Variants in JAK2 observed in about 807,000 individuals in gnomAD.
The protein encoded by JAK2 is Janus kinase 2.
In JAK2, 86 loss-of-function variants were observed where a neutral mutation model predicts 139.3. That is an observed-to-expected ratio of 0.62 (90% CI 0.52 to 0.74). The LOEUF is 0.74. JAK2 is among the 30% of genes least tolerant of loss of function. The probability of loss-of-function intolerance (pLI) is 0.00; values close to 1 mark genes in which losing one functional copy is unlikely to be tolerated. For missense variants in JAK2, 1,421 were observed against 1,360.3 expected (o/e 1.04, Z -0.70); for synonymous variants, 490 against 437.7 (o/e 1.12, Z -1.49).
intron 2 of JAK2, among the ~76,000 whole-genome samples, chr9:5,006,469 T>G (rs1265417771): frequency 6.6e-6 from 1 of 152,212 alleles, no homozygotes; most frequent in African/African-American, 2.4e-5. Flanking sequence ...GTTCTCATAT[T>G]GCTATAAAGA....
chr9:5,041,024 G>C, intron 4 of JAK2: 1 of 669,534 alleles, frequency 1.5e-6, no homozygotes, highest in South Asian at 1.5e-5. Flanking sequence ...CTGCACCTGG[G>C]TACCGGTTCT....
intron 8 of JAK2, among the ~76,000 whole-genome samples, chr9:5,064,198 A>G (rs1269049806): frequency 6.6e-6 from 1 of 151,800 alleles, no homozygotes; most frequent in Non-Finnish European, 1.5e-5. Flanking sequence ...ACATATCCTA[A>G]CATTTTAGTT....
intron 4 of JAK2, among the ~76,000 whole-genome samples, chr9:5,043,671 T>A (rs1041090811): frequency 6.6e-6 from 1 of 152,094 alleles, no homozygotes. Flanking sequence ...TTATTCACAA[T>A]AGAAAAATAA....
intron 19 of JAK2, among the ~76,000 whole-genome samples, chr9:5,087,088 A>T (rs555768407): frequency 1.3e-5 from 2 of 152,330 alleles, no homozygotes; most frequent in South Asian, 4.1e-4. Flanking sequence ...GGTTTCCAAC[A>T]TTGGTTAGGC....
chr9:5,071,440 G>A (rs1350416246), intron 12 of JAK2, among the ~76,000 whole-genome samples: 2 of 151,972 alleles, frequency 1.3e-5, no homozygotes, highest in African/African-American at 4.8e-5. Context: ...TGAAACCACG[G>A]AGAAATAACA....
At chr9:5,105,791 T>C (rs1218550519) in intron 22 of JAK2, among the ~76,000 whole-genome samples, 1 of 152,100 alleles carries the variant, frequency 6.6e-6, no homozygotes, top group Admixed American at 6.5e-5. Context: ...TTGACAAACC[T>C]GACAAAAACA....
intron 22 of JAK2, among the ~76,000 whole-genome samples, chr9:5,093,549 T>C (rs1176976660): frequency 6.6e-6 from 1 of 152,168 alleles, no homozygotes; most frequent in Non-Finnish European, 1.5e-5. Flanking sequence ...CTTTAATTCA[T>C]TAATGCAAAT....
rs142306230 is a variant in JAK2, at chr9:5,080,643, C to T, written c.2394C>T (p.Phe798=). The T allele has an allele frequency of 1.9e-6, 3 of 1,603,136 alleles. No homozygotes were observed. The highest frequency in any genetic ancestry group is 2.7e-5 in the African/African-American group (2 of 73,544). Residue 798 remains phenylalanine, a synonymous_variant, in exon 18 of 25, where the codon TTC becomes TTT. Transcript: ENST00000381652. ...MDYEPDFRPS[F]RAIIRDLNSL... Reference sequence around the variant, plus strand: ...ATGAACCAGATTTCAGGCCTTCTTTCAGAGCCATCATACGAGATCTTAACA... The same window carrying T: ...ATGAACCAGATTTCAGGCCTTCTTTTAGAGCCATCATACGAGATCTTAACA...
chr9:5,081,155 A>G (rs1269507401), intron 18 of JAK2, among the ~76,000 whole-genome samples: 1 of 152,006 alleles, frequency 6.6e-6, no homozygotes, highest in Non-Finnish European at 1.5e-5. Flanking sequence ...TCGGCCTCCC[A>G]AAGTGCTGGG....
Position 5,083,846 on chromosome 9 carries a change from A to T in JAK2, c.2571+1985A>T, listed in dbSNP as rs558675093. 4.6e-5 allele frequency among the ~76,000 whole-genome samples: 7 copies of T among 152,280 alleles called. No homozygotes were observed. The South Asian group carries it at 1.4e-3, about 32-fold the overall frequency. On this transcript the variant is annotated intron_variant, in intron 19 of 24. Coordinates refer to ENST00000381652, the MANE Select transcript of JAK2 (RefSeq NM_004972.4). ...GAGAAATTGGAAAATATTACAATGA[A>T]GATACGTTCCATTTGTTGTAGTCTC... is the stretch of plus-strand genomic sequence containing the variant.
intron 8 of JAK2, among the ~76,000 whole-genome samples, chr9:5,057,345 C>T (rs1222128040): frequency 1.3e-5 from 2 of 151,932 alleles, no homozygotes; most frequent in African/African-American, 4.8e-5. Context: ...TTTTTACTGT[C>T]ATTTTCCTCT....
At chr9:5,045,708 G>A (rs1816961846) in intron 5 of JAK2, among the ~76,000 whole-genome samples, 1 of 152,098 alleles carries the variant, frequency 6.6e-6, no homozygotes, top group African/African-American at 2.4e-5. Flanking sequence ...TTAGCATAAT[G>A]TCTGTCAGGT....
chr9:5,048,841 A>T (rs766624381), intron 5 of JAK2, among the ~76,000 whole-genome samples: 1 of 152,226 alleles, frequency 6.6e-6, no homozygotes, highest in Non-Finnish European at 1.5e-5. Flanking sequence ...TGTAGAGTAT[A>T]GAGGGCCCTT....
At chr9:5,006,781 A>G (rs927463230) in intron 2 of JAK2, among the ~76,000 whole-genome samples, 5 of 152,232 alleles carry the variant, frequency 3.3e-5, no homozygotes, top group African/African-American at 1.2e-4. Flanking sequence ...ACTGAAGATC[A>G]TAATTCAACA....
intron 3 of JAK2, among the ~76,000 whole-genome samples, chr9:5,028,985 CA>C (rs1448602552): frequency 2.0e-5 from 3 of 152,198 alleles, no homozygotes; most frequent in African/African-American, 7.2e-5. Flanking sequence ...TAATTTCATT[CA>C]AAAACTTTTT....
At chr9:4,993,369 A>C (rs576760111) in intron 2 of JAK2, among the ~76,000 whole-genome samples, 2 of 152,288 alleles carry the variant, frequency 1.3e-5, no homozygotes, top group African/African-American at 4.8e-5. Context: ...GGCTGAAAAG[A>C]TTGTTCTGAG....
intron 22 of JAK2, among the ~76,000 whole-genome samples, chr9:5,116,128 C>T (rs1435635978): frequency 6.6e-6 from 1 of 151,886 alleles, no homozygotes; most frequent in East Asian, 1.9e-4. Context: ...TATGGATAAT[C>T]TCATTTAATC....
chr9:5,056,890 G>C (rs569756891), intron 8 of JAK2, among the ~76,000 whole-genome samples: 2 of 152,170 alleles, frequency 1.3e-5, no homozygotes, highest in Non-Finnish European at 2.9e-5. Context: ...CAAGGGCACA[G>C]TGTTAGTTAA....
chr9:5,043,442 AAACAAT>A (rs1346192110), intron 4 of JAK2, among the ~76,000 whole-genome samples: 1 of 152,250 alleles, frequency 6.6e-6, no homozygotes, highest in Non-Finnish European at 1.5e-5. Flanking sequence ...TCAGAAAGAC[AAACAAT>A]AACAAGTGTT....
Sources: gnomAD v4.1 joint callset for allele counts (sites outside exome capture counted in the v4.1 genomes callset) on GRCh38, gnomAD v4.1.1 for gene constraint, MANE v1.5 for transcripts, NCBI Gene and HGNC (gene_info 2026-07-23, HGNC 2026-07-21) for gene names.